GLI3: variants seen among roughly 807,000 people sequenced by gnomAD.
The protein encoded by GLI3 is transcription activator GLI3.
A neutral mutation model predicts 100.8 loss-of-function variants in GLI3; 20 were observed. The ratio of observed to expected loss-of-function variants is 0.20; its 90% CI spans 0.14 to 0.29. GLI3 has a LOEUF of 0.29. GLI3 is among the 10% of genes least tolerant of loss of function. The pLI is 1.00. For missense variants in GLI3, 2,040 were observed against 2,128.5 expected, an observed-to-expected ratio of 0.96 and a Z score of 0.82; for synonymous variants, 938 against 860.5, an observed-to-expected ratio of 1.09 and a Z score of -1.58.
At chr7:42,235,868 T>C (rs893834140) in intron 1 of GLI3, among the ~76,000 whole-genome samples, 11 of 152,176 alleles carry the variant, frequency 7.2e-5, no homozygotes, top group Admixed American at 3.9e-4. Context: ...CATAAATATA[T>C]GTACATATAA....
chr7:42,055,545 CT>C (rs763218016), intron 4 of GLI3, among the ~76,000 whole-genome samples: 28 of 152,068 alleles, frequency 1.8e-4, no homozygotes, highest in Non-Finnish European at 3.1e-4. Flanking sequence ...TGGGCGAGCC[CT>C]CCTCTGCTGC....
At chr7:42,171,338 C>T (rs1787368895) in intron 2 of GLI3, among the ~76,000 whole-genome samples, 1 of 152,104 alleles carries the variant, frequency 6.6e-6, no homozygotes, top group African/African-American at 2.4e-5. Flanking sequence ...ATGAAGAGAA[C>T]TAAGGAGATA....
intron 3 of GLI3, among the ~76,000 whole-genome samples, chr7:42,090,473 A>T (rs1239648035): frequency 2.6e-5 from 4 of 152,206 alleles, no homozygotes; most frequent in Non-Finnish European, 5.9e-5. Flanking sequence ...CATGTTTAAG[A>T]AGTCACCGTT....
chr7:42,018,731 T>C (rs1378968631), intron 10 of GLI3, among the ~76,000 whole-genome samples: 4 of 152,154 alleles, frequency 2.6e-5, no homozygotes, highest in African/African-American at 9.7e-5. Flanking sequence ...CTTTTAGAGA[T>C]CAAAATTCGC....
At chr7:42,215,823 A>G (rs1788365284) in intron 2 of GLI3, among the ~76,000 whole-genome samples, 1 of 152,192 alleles carries the variant, frequency 6.6e-6, no homozygotes, top group Admixed American at 6.5e-5. Flanking sequence ...CTGTTAAGCT[A>G]GAACCTGATA....
At chr7:42,070,245 G>T (rs1784758370) in intron 4 of GLI3, among the ~76,000 whole-genome samples, 1 of 152,124 alleles carries the variant, frequency 6.6e-6, no homozygotes, top group South Asian at 2.1e-4. Flanking sequence ...TCTCATTTTT[G>T]GGTTACTCAA....
chr7:42,211,293 A>G (rs998977981), intron 2 of GLI3, among the ~76,000 whole-genome samples: 2 of 152,240 alleles, frequency 1.3e-5, no homozygotes, highest in African/African-American at 4.8e-5. Flanking sequence ...CACTGGGCAT[A>G]CACATGGTTT....
At chr7:42,181,627 A>G (rs1258844192) in intron 2 of GLI3, among the ~76,000 whole-genome samples, 2 of 152,132 alleles carry the variant, frequency 1.3e-5, no homozygotes, top group African/African-American at 4.8e-5. Flanking sequence ...AAAAACAACA[A>G]AAACAAAAAC....
intron 5 of GLI3, 85 bp from the exon 6 acceptor site, chr7:42,045,615 C>T: frequency 8.3e-7 from 1 of 1,204,754 alleles, no homozygotes; most frequent in South Asian, 1.2e-5. Context: ...GTCCATTACA[C>T]AACCCACATC....
rs111451071 is a variant in GLI3, at chr7:42,027,087, T to C, written c.1029-675A>G. On this transcript the variant is annotated intron_variant, in intron 7 of 14. Transcript: ENST00000395925. ...CCTCTTCTAGCTAAACAGCATTTAATGTCTATTAAAGCCCATTATGCATGC... is the reference window on the plus strand; with the variant it reads ...CCTCTTCTAGCTAAACAGCATTTAACGTCTATTAAAGCCCATTATGCATGC... Among the ~76,000 whole-genome samples, 94 of 152,356 alleles carry C rather than the reference T, an allele frequency of 6.2e-4. 1 individual carries two copies. Among genetic ancestry groups the C allele is most frequent in the African/African-American group, 2.1e-3 (87 of 41,580 alleles).
At chr7:42,153,493 A>G (rs758485222) in intron 2 of GLI3, among the ~76,000 whole-genome samples, 1 of 151,032 alleles carries the variant, frequency 6.6e-6, no homozygotes, top group Non-Finnish European at 1.5e-5. Flanking sequence ...AAGTCAGAAT[A>G]TCAGGCTTTC....
At chr7:42,106,962 T>C (rs1204511710) in intron 3 of GLI3, among the ~76,000 whole-genome samples, 1 of 152,046 alleles carries the variant, frequency 6.6e-6, no homozygotes, top group African/African-American at 2.4e-5. Context: ...CTGCCAACAA[T>C]GTGGGAACTA....
chr7:42,000,033 G>A (rs1788242434), intron 10 of GLI3, among the ~76,000 whole-genome samples: 1 of 152,212 alleles, frequency 6.6e-6, no homozygotes, highest in African/African-American at 2.4e-5. Flanking sequence ...TCGTCCTGCA[G>A]GGCTGAATGC....
intron 2 of GLI3, among the ~76,000 whole-genome samples, chr7:42,199,604 GTA>G (rs1290735574): frequency 1.3e-5 from 2 of 152,218 alleles, no homozygotes; most frequent in East Asian, 3.9e-4. Context: ...ATATGTGCGT[GTA>G]TGTGTGTGAG....
At chr7:42,156,191 G>A (rs7805301) in intron 2 of GLI3, among the ~76,000 whole-genome samples, 3,436 of 152,132 alleles carry the variant, frequency 0.023, 123 homozygotes, top group African/African-American at 0.079. Context: ...GGGCCCCAGC[G>A]GGTTCGCCTT....
intron 2 of GLI3, among the ~76,000 whole-genome samples, chr7:42,183,689 T>A (rs1787663053): frequency 6.6e-6 from 1 of 152,236 alleles, no homozygotes; most frequent in Admixed American, 6.5e-5. Flanking sequence ...TATATCTATA[T>A]TTATGTTTTA....
intron 6 of GLI3, among the ~76,000 whole-genome samples, chr7:42,040,903 A>C (rs1784123430): frequency 6.6e-6 from 1 of 152,152 alleles, no homozygotes. Flanking sequence ...ACTGGAATCT[A>C]GAGGGTAGAG....
At chr7:42,044,558 A>T (rs2128740750) in intron 6 of GLI3, among the ~76,000 whole-genome samples, 1 of 152,356 alleles carries the variant, frequency 6.6e-6, no homozygotes, top group South Asian at 2.1e-4. Context: ...GCTAGGTACT[A>T]AAAGTAGTCC....
chr7:42,162,611 C>T (rs1428275894), intron 2 of GLI3, among the ~76,000 whole-genome samples: 1 of 152,204 alleles, frequency 6.6e-6, no homozygotes, highest in Admixed American at 6.5e-5. Context: ...AAACGAAAGA[C>T]ATAATCAAGG....
Sources: allele counts gnomAD v4.1 joint callset (sites outside exome capture counted in the v4.1 genomes callset), GRCh38; gene constraint gnomAD v4.1.1; transcripts MANE v1.5; gene names NCBI Gene and HGNC (gene_info 2026-07-23, HGNC 2026-07-21).